GRID1: variants seen among roughly 807,000 people sequenced by gnomAD.
The protein encoded by GRID1 is glutamate receptor ionotropic, delta-1.
GRID1 carries 28 observed loss-of-function variants against 98.0 expected under a neutral mutation model. The ratio of observed to expected loss-of-function variants is 0.29; its 90% CI spans 0.21 to 0.39. The LOEUF (loss-of-function observed/expected upper bound fraction) is 0.39, where lower values mean the gene tolerates loss of function less well. Among genes scored for constraint, GRID1 ranks in the 10% least tolerant of loss-of-function variants. GRID1 has a pLI of 1.00. For missense variants in GRID1, 1,111 were observed against 1,340.5 expected, an observed-to-expected ratio of 0.83 and a Z score of 2.67; for synonymous variants, 553 against 538.5, an observed-to-expected ratio of 1.03 and a Z score of -0.37.
intron 4 of GRID1, among the ~76,000 whole-genome samples, chr10:86,039,979 GA>G (rs1222661819): frequency 6.6e-6 from 1 of 152,156 alleles, no homozygotes; most frequent in African/African-American, 2.4e-5. Context: ...CTGTGGATCA[GA>G]AGCCCCTGGA....
chr10:85,747,242 G>A (rs938662336), intron 8 of GRID1, among the ~76,000 whole-genome samples: 1 of 152,040 alleles, frequency 6.6e-6, no homozygotes, highest in Non-Finnish European at 1.5e-5. Flanking sequence ...TATGCACATA[G>A]CAGTGACTGT....
chr10:85,859,774 A>G (rs1391288609), intron 6 of GRID1, among the ~76,000 whole-genome samples: 2 of 152,110 alleles, frequency 1.3e-5, no homozygotes, highest in Non-Finnish European at 2.9e-5. Context: ...CAGCATCCTC[A>G]CTGAGACGAC....
intron 4 of GRID1, among the ~76,000 whole-genome samples, chr10:85,957,530 T>A (rs973056820): frequency 6.6e-6 from 1 of 152,062 alleles, no homozygotes; most frequent in African/African-American, 2.4e-5. Flanking sequence ...AGACTACACA[T>A]AAGGGCAAGA....
intron 12 of GRID1, among the ~76,000 whole-genome samples, chr10:85,707,736 G>T (rs1307098843): frequency 2.0e-5 from 3 of 152,102 alleles, no homozygotes; most frequent in African/African-American, 4.8e-5. Context: ...ATGATAGACT[G>T]GATTAAGGAA....
intron 12 of GRID1, among the ~76,000 whole-genome samples, chr10:85,654,487 T>C (rs1840871327): frequency 6.6e-6 from 1 of 152,232 alleles, no homozygotes; most frequent in Admixed American, 6.5e-5. Flanking sequence ...TTAAATATCC[T>C]GCTGCTGCCC....
intron 5 of GRID1, among the ~76,000 whole-genome samples, chr10:85,895,016 A>AAAATATATATATATATATAT (rs766551035): frequency 3.1e-5 from 3 of 97,108 alleles, no homozygotes; most frequent in Non-Finnish European, 6.2e-5. Flanking sequence ...AAAAAAAAAA[A>AAAATATATATATATATATAT]ATATATATAT....
intron 8 of GRID1, among the ~76,000 whole-genome samples, chr10:85,775,268 T>C (rs11201789): frequency 0.026 from 3,550 of 138,928 alleles, 131 homozygotes; most frequent in African/African-American, 0.091. Context: ...TAGGTGGGAA[T>C]TGAACAATGA....
intron 2 of GRID1, among the ~76,000 whole-genome samples, chr10:86,317,799 G>A (rs1272430164): frequency 6.6e-6 from 1 of 152,060 alleles, no homozygotes; most frequent in Non-Finnish European, 1.5e-5. Flanking sequence ...GGAGTGAAGT[G>A]GAACAATCAT....
chr10:86,329,361 G>A (rs1488974805), intron 2 of GRID1, among the ~76,000 whole-genome samples: 3 of 152,156 alleles, frequency 2.0e-5, no homozygotes, highest in Non-Finnish European at 1.5e-5. Flanking sequence ...ACAAACAACC[G>A]CCAACCCCAA....
At chr10:85,663,199 T>C (rs1030907951) in intron 12 of GRID1, among the ~76,000 whole-genome samples, 1 of 152,188 alleles carries the variant, frequency 6.6e-6, no homozygotes, top group Non-Finnish European at 1.5e-5. Flanking sequence ...GGAGTCCTTA[T>C]CAGAGGTCAT....
chr10:85,824,099 A>G (rs1842797130), intron 8 of GRID1, among the ~76,000 whole-genome samples: 1 of 152,254 alleles, frequency 6.6e-6, no homozygotes, highest in Non-Finnish European at 1.5e-5. Flanking sequence ...ATAGCAATGT[A>G]TTAAGGGTTT....
At chr10:86,143,057 A>C (rs1399546392) in intron 3 of GRID1, among the ~76,000 whole-genome samples, 1 of 152,196 alleles carries the variant, frequency 6.6e-6, no homozygotes, top group East Asian at 1.9e-4. Flanking sequence ...TTTACGATCC[A>C]TCAGAGACAG....
intron 12 of GRID1, among the ~76,000 whole-genome samples, chr10:85,694,579 T>TGGA (rs1564562126): frequency 1.1e-5 from 1 of 92,366 alleles, no homozygotes; most frequent in African/African-American, 7.3e-5. Flanking sequence ...TATATATATA[T>TGGA]ATATATATAT....
chr10:85,903,075 C>T (rs1361200977), intron 5 of GRID1, among the ~76,000 whole-genome samples: 1 of 152,100 alleles, frequency 6.6e-6, no homozygotes, highest in Non-Finnish European at 1.5e-5. Context: ...TTCAATATCC[C>T]CTATATGCAG....
At chr10:85,981,693 T>C (rs1160307450) in intron 4 of GRID1, among the ~76,000 whole-genome samples, 1 of 152,196 alleles carries the variant, frequency 6.6e-6, no homozygotes, top group Non-Finnish European at 1.5e-5. Context: ...GATTCCTGTG[T>C]TAGTTCAGTG....
intron 2 of GRID1, among the ~76,000 whole-genome samples, chr10:86,271,951 A>T (rs1847192148): frequency 6.6e-6 from 1 of 152,186 alleles, no homozygotes; most frequent in South Asian, 2.1e-4. Flanking sequence ...AAGCACAAGA[A>T]ACATGAAGAA....
At chr10:86,334,730 C>A in intron 2 of GRID1, among the ~76,000 whole-genome samples, 1 of 152,212 alleles carries the variant, frequency 6.6e-6, no homozygotes, top group Admixed American at 6.5e-5. Context: ...GCATAATCAT[C>A]CCCATGTTCC....
intron 12 of GRID1, among the ~76,000 whole-genome samples, chr10:85,666,891 C>A (rs1359015537): frequency 6.6e-6 from 1 of 152,182 alleles, no homozygotes; most frequent in Non-Finnish European, 1.5e-5. Context: ...GCTGCCTTGC[C>A]CCTCACTCTG....
At chr10:85,620,122 G>A (rs1842842765) in intron 13 of GRID1, 89 bp from the exon 14 acceptor site, 2 of 1,094,444 alleles carry the variant, frequency 1.8e-6, no homozygotes, top group East Asian at 2.4e-5. Flanking sequence ...TGGGATTTGA[G>A]GGACCCATCC....
Sources: gnomAD v4.1 joint callset for allele counts (sites outside exome capture counted in the v4.1 genomes callset) on GRCh38, gnomAD v4.1.1 for gene constraint, MANE v1.5 for transcripts, NCBI Gene and HGNC (gene_info 2026-07-23, HGNC 2026-07-21) for gene names.